Variants in PCDH15 observed in about 807,000 individuals in gnomAD.
The protein encoded by PCDH15 is protocadherin-15.
PCDH15 carries 129 observed loss-of-function variants against 178.5 expected under a neutral mutation model. The ratio of observed to expected loss-of-function variants is 0.72; its 90% confidence interval spans 0.63 to 0.84. The LOEUF (loss-of-function observed/expected upper bound fraction) is 0.84. Ranked by LOEUF, PCDH15 falls within the 40% of genes least tolerant of loss-of-function variation. PCDH15 has a pLI of 0.00. For synonymous variants in PCDH15, 800 were observed against 732.0 expected, an observed-to-expected ratio of 1.09 and a Z score of -1.50; for missense variants, 2,230 against 2,099.9, an observed-to-expected ratio of 1.06 and a Z score of -1.21.
In PCDH15 at chr10:55,124,528, A is replaced by G. The variant is rs560992397; in HGVS notation, c.-80+42048T>C. 1.3e-3 allele frequency among the ~76,000 whole-genome samples: 198 copies of G among 152,234 alleles called. 1 individual carries two copies. The highest frequency in any genetic ancestry group is 4.6e-3 in the African/African-American group (193 of 41,556). Reference sequence around the variant, plus strand: ...GCTATAAATGGAAATTTTGACACTGATCATTTCTTCTTTCAACTTTGATCC... The same window carrying G: ...GCTATAAATGGAAATTTTGACACTGGTCATTTCTTCTTTCAACTTTGATCC... On this transcript the variant is annotated intron_variant, in intron 2 of 5. Coordinates refer to the PCDH15 transcript ENST00000458638.
At chr10:54,445,218 G>C (rs1202837709) in intron 3 of PCDH15, among the ~76,000 whole-genome samples, 1 of 151,226 alleles carries the variant, frequency 6.6e-6, no homozygotes, top group East Asian at 1.9e-4. Context: ...CTATGAAAGT[G>C]TATGTAAAAA....
chr10:54,874,664 A>G (rs1954106541), intron 3 of PCDH15, among the ~76,000 whole-genome samples: 1 of 152,214 alleles, frequency 6.6e-6, no homozygotes, highest in Admixed American at 6.5e-5. Flanking sequence ...CACTAAAAAA[A>G]GAAAATGTTA....
intron 1 of PCDH15, among the ~76,000 whole-genome samples, chr10:55,313,036 A>C (rs1397638539): frequency 6.6e-6 from 1 of 152,278 alleles, no homozygotes; most frequent in Admixed American, 6.5e-5. Flanking sequence ...TTGTGAACTA[A>C]AAATAATAGT....
chr10:55,327,941 A>G (rs771322581), intron 2 of PCDH15, among the ~76,000 whole-genome samples: 3 of 152,082 alleles, frequency 2.0e-5, no homozygotes, highest in Non-Finnish European at 2.9e-5. Context: ...GTCAGGATAC[A>G]AAACATATGA....
Position 55,143,723 on chromosome 10 carries a change from C to A in PCDH15, c.-80+22853G>T, listed in dbSNP as rs367837439. On this transcript the variant is annotated intron_variant, in intron 2 of 5. Coordinates refer to the PCDH15 transcript ENST00000458638. The stretch of plus-strand genomic sequence containing the variant: ...GCATAGCACTTTTTGAGTCCCCTGA[C>A]TTGAATTAACCTATGAAACAAGCTG... Among the ~76,000 whole-genome samples, 19 of 152,104 alleles carry A rather than the reference C, an allele frequency of 1.2e-4. No homozygotes were observed. In the South Asian group the frequency reaches 3.3e-3, roughly 27 times the overall value.
intron 2 of PCDH15, among the ~76,000 whole-genome samples, chr10:55,598,547 T>TATATATATATAGATAG (rs1842988364): frequency 2.0e-5 from 1 of 50,204 alleles, no homozygotes; most frequent in African/African-American, 1.1e-4. Context: ...TATATATATA[T>TATATATATATAGATAG]ATATATATAT....
intron 2 of PCDH15, among the ~76,000 whole-genome samples, chr10:55,088,635 C>A (rs928721817): frequency 7.1e-6 from 1 of 140,116 alleles, no homozygotes; most frequent in Non-Finnish European, 1.5e-5. Flanking sequence ...GAACAGATTG[C>A]CACAAAAGAG....
chr10:55,082,138 G>A (rs542719084), intron 2 of PCDH15, among the ~76,000 whole-genome samples: 1 of 152,158 alleles, frequency 6.6e-6, no homozygotes, highest in African/African-American at 2.4e-5. Context: ...CTCTTCCTTA[G>A]CAAATGGATC....
chr10:55,042,020 ACTC>A (rs1260598394), intron 2 of PCDH15, among the ~76,000 whole-genome samples: 1 of 152,070 alleles, frequency 6.6e-6, no homozygotes, highest in Non-Finnish European at 1.5e-5. Context: ...TTTGGTCTTC[ACTC>A]TACCATAAGG....
intron 2 of PCDH15, among the ~76,000 whole-genome samples, chr10:54,991,335 G>T (rs540113255): frequency 6.6e-6 from 1 of 152,190 alleles, no homozygotes; most frequent in Non-Finnish European, 1.5e-5. Context: ...CTGAGTAGAT[G>T]GATGTAATTA....
chr10:55,033,000 G>C (rs1840649083), intron 2 of PCDH15, among the ~76,000 whole-genome samples: 1 of 152,096 alleles, frequency 6.6e-6, no homozygotes, highest in African/African-American at 2.4e-5. Context: ...GTTCCAGAGG[G>C]TGCAAGCATT....
At chr10:55,297,094 G>C (rs1270703849) in intron 1 of PCDH15, among the ~76,000 whole-genome samples, 1 of 151,814 alleles carries the variant, frequency 6.6e-6, no homozygotes, top group Non-Finnish European at 1.5e-5. Flanking sequence ...AAGCCTTATG[G>C]TGTTTACATA....
intron 2 of PCDH15, among the ~76,000 whole-genome samples, chr10:55,509,743 C>T (rs2132149902): frequency 6.6e-6 from 1 of 151,918 alleles, no homozygotes; most frequent in Non-Finnish European, 1.5e-5. Flanking sequence ...CAGCAATCTA[C>T]ATTTAATTTT....
rs146158152 is a variant in PCDH15 at position 53,860,166 on chromosome 10, T to C, written c.3718-2903A>G. On this transcript the variant is annotated intron_variant, in intron 27 of 37. Coordinates refer to ENST00000644397, the MANE Select transcript of PCDH15 (RefSeq NM_001384140.1). ...CAGCATGACATCTGAGATCCAGGTG[T>C]TAACTTTGATAAGACTTTGTTCTAT... 5.9e-5 allele frequency among the ~76,000 whole-genome samples: 9 copies of C among 152,292 alleles called. No homozygotes were observed. In the East Asian group the frequency reaches 1.7e-3, roughly 29 times the overall value.
chr10:53,984,148 CTTTT>C (rs66540462), intron 21 of PCDH15, among the ~76,000 whole-genome samples: 7 of 63,544 alleles, frequency 1.1e-4, no homozygotes, highest in South Asian at 5.3e-4. Flanking sequence ...TTTTTCTTTT[CTTTT>C]TTTTTTTTTT....
intron 15 of PCDH15, among the ~76,000 whole-genome samples, chr10:54,118,577 A>G (rs1307165910): frequency 6.6e-6 from 1 of 152,034 alleles, no homozygotes; most frequent in East Asian, 1.9e-4. Flanking sequence ...GGAGAATGGC[A>G]TGAACCCAGG....
intron 1 of PCDH15, among the ~76,000 whole-genome samples, chr10:55,303,988 T>C (rs1179043081): frequency 1.3e-5 from 2 of 152,200 alleles, no homozygotes; most frequent in East Asian, 3.8e-4. Context: ...CATTATTAAT[T>C]TGAGAGGTTT....
intron 13 of PCDH15, among the ~76,000 whole-genome samples, chr10:54,156,253 C>T (rs2045134541): frequency 6.6e-6 from 1 of 152,102 alleles, no homozygotes; most frequent in Admixed American, 6.5e-5. Flanking sequence ...AGTGTTTCAA[C>T]ATGTGCATAT....
chr10:54,310,129 T>C (rs369349651), intron 8 of PCDH15, among the ~76,000 whole-genome samples: 3 of 152,220 alleles, frequency 2.0e-5, no homozygotes, highest in East Asian at 3.9e-4. Context: ...AGACAAGTTG[T>C]ACTATGTGTG....
Sources: gnomAD v4.1 joint callset for allele counts (sites outside exome capture counted in the v4.1 genomes callset) on GRCh38, gnomAD v4.1.1 for gene constraint, MANE v1.5 for transcripts, NCBI Gene and HGNC (gene_info 2026-07-23, HGNC 2026-07-21) for gene names.